The following ZBTB8A variants were observed in gnomAD, a reference collection of about 807,000 sequenced individuals.
The protein encoded by ZBTB8A is zinc finger and BTB domain-containing protein 8A.
ZBTB8A carries 19 observed loss-of-function variants against 37.8 expected under a neutral mutation model. The observed-to-expected ratio is 0.50, with a 90% CI of 0.35 to 0.74. ZBTB8A has a LOEUF of 0.74. ZBTB8A is among the 30% of genes least tolerant of loss of function. ZBTB8A has a pLI of 0.01. For missense variants in ZBTB8A, 394 were observed against 537.8 expected (o/e 0.73, Z 2.65); for synonymous variants, 181 against 185.2 (o/e 0.98, Z 0.19).
intron 1 of ZBTB8A, 144 bp from the exon 2 acceptor site, chr1:32,553,315 C>T (rs1177663822): frequency 6.6e-6 from 1 of 152,230 alleles, no homozygotes; most frequent in African/African-American, 2.4e-5. Flanking sequence ...CCGCGTTGGC[C>T]TCCCAGAGTG....
intron 2 of ZBTB8A, among the ~76,000 whole-genome samples, chr1:32,563,226 G>A (rs960952216): frequency 1.2e-4 from 18 of 152,240 alleles, no homozygotes; most frequent in South Asian, 2.1e-4. Flanking sequence ...TGAGGTTGGG[G>A]GTGGGAAGAC....
intron 2 of ZBTB8A, among the ~76,000 whole-genome samples, chr1:32,577,153 T>A (rs1195391837): frequency 1.3e-5 from 2 of 151,510 alleles, no homozygotes; most frequent in Non-Finnish European, 2.9e-5. Flanking sequence ...GGATTACAGA[T>A]GTGAGCCACC....
Position 32,593,364 on chromosome 1 carries a change from GT to G in ZBTB8A, c.434del (p.Val145GlufsTer22). On this transcript the variant is annotated frameshift_variant, in exon 3 of 5. Transcript: ENST00000373510. LOFTEE classifies it high-confidence loss of function. The stretch of plus-strand genomic sequence containing the variant: ...AGATAAAGATGCCAATTCTAATGGT[GT>G]AGAACGTTCCTCTTTTTATAGTGGT... ...LSDKDANSNG[V>X]ERSSFYSGGW... The G allele has an allele frequency of 6.2e-7, 1 of 1,614,162 alleles. No individual in the cohort carries two copies. The highest frequency in any genetic ancestry group is 8.5e-7 in the Non-Finnish European group (1 of 1,180,032).
intron 4 of ZBTB8A, among the ~76,000 whole-genome samples, chr1:32,595,448 G>A (rs767183789): frequency 3.4e-4 from 51 of 151,674 alleles, no homozygotes; most frequent in Non-Finnish European, 6.5e-4. Flanking sequence ...TGTATTTTTA[G>A]TAGAGATGGG....
At chr1:32,546,455 T>A (rs183313357) in intron 1 of ZBTB8A, among the ~76,000 whole-genome samples, 3,030 of 127,936 alleles carry the variant, frequency 0.024, 47 homozygotes, top group African/African-American at 0.054. Flanking sequence ...AAAAAAAAAA[T>A]AAATAAATAA....
At chr1:32,568,547 C>T (rs987454261) in intron 2 of ZBTB8A, among the ~76,000 whole-genome samples, 4 of 152,104 alleles carry the variant, frequency 2.6e-5, no homozygotes, top group South Asian at 4.2e-4. Flanking sequence ...CCACTACGCC[C>T]GGCTAATTTT....
intron 4 of ZBTB8A, among the ~76,000 whole-genome samples, chr1:32,596,291 A>G (rs1644530956): frequency 6.6e-6 from 1 of 151,446 alleles, no homozygotes. Flanking sequence ...AATGGTGTGA[A>G]CCTGGGAGGC....
At chr1:32,554,333 T>G (rs1398389737) in intron 2 of ZBTB8A, among the ~76,000 whole-genome samples, 1 of 151,830 alleles carries the variant, frequency 6.6e-6, no homozygotes, top group Non-Finnish European at 1.5e-5. Flanking sequence ...GTTCACTGAT[T>G]GCTAATTTTT....
In ZBTB8A at chr1:32,605,704, C is replaced by CAAAAAAAAAAAAAA. The variant is rs555736414; in HGVS notation, c.*5298_*5311dup. 2.7e-4 allele frequency: 5 copies of CAAAAAAAAAAAAAA among 18,412 alleles called. 1 individual carries two copies. The highest frequency in any genetic ancestry group is 8.5e-4 in the African/African-American group (5 of 5,866). The allele number at this position is 18,412 out of a possible 1,614,324, so 1.1% of individuals were successfully genotyped here. A position where few individuals can be genotyped will look rare whatever the true frequency, so the allele number is the denominator to read the frequency against. On this transcript the variant is annotated 3_prime_UTR_variant, in exon 5 of 5. Transcript: ENST00000373510. ...TGGGTGACAGAGCGAGACTCCACCT[C>CAAAAAAAAAAAAAA]AAAAAAAAAAAAAAAAAAAAAAAAA...
At chr1:32,547,459 T>C (rs1644114658) in intron 1 of ZBTB8A, among the ~76,000 whole-genome samples, 1 of 149,758 alleles carries the variant, frequency 6.7e-6, no homozygotes, top group Non-Finnish European at 1.5e-5. Context: ...GCTCAAGGGA[T>C]CTTCCCTCCT....
At chr1:32,586,649 CT>C (rs983524700) in intron 2 of ZBTB8A, among the ~76,000 whole-genome samples, 8 of 151,938 alleles carry the variant, frequency 5.3e-5, no homozygotes, top group African/African-American at 1.7e-4. Flanking sequence ...AGTAGAGAGA[CT>C]GGCAAGTACA....
At chr1:32,568,002 T>C (rs187164714) in intron 2 of ZBTB8A, among the ~76,000 whole-genome samples, 80 of 151,424 alleles carry the variant, frequency 5.3e-4, no homozygotes, top group Middle Eastern at 6.8e-3. Context: ...ATTAGCCAAG[T>C]GTGGTGGCAC....
chr1:32,543,745 C>T (rs554673831), intron 1 of ZBTB8A, among the ~76,000 whole-genome samples: 11 of 152,020 alleles, frequency 7.2e-5, no homozygotes, highest in Non-Finnish European at 1.6e-4. Flanking sequence ...GGCGCGATCT[C>T]GGCTCACTGC....
Position 32,604,339 on chromosome 1 carries a change from A to C in ZBTB8A, c.*3920A>C, listed in dbSNP as rs542216120. 1 of 152,236 alleles carries C rather than the reference A, an allele frequency of 6.6e-6. No homozygotes were observed. Among genetic ancestry groups the C allele is most frequent in the Non-Finnish European group, 1.5e-5 (1 of 68,046 alleles). The allele number at this position is 152,236 out of a possible 1,614,324, so 9.4% of individuals were successfully genotyped here. On this transcript the variant is annotated 3_prime_UTR_variant, in exon 5 of 5. Transcript: ENST00000373510. ...AATTTAAGGGATAAACTCTAAAATC[A>C]GAGCTGCTGTGGTTAAAGTCCCCCA...
chr1:32,543,052 C>T (rs1414826500), intron 1 of ZBTB8A, among the ~76,000 whole-genome samples: 1 of 151,858 alleles, frequency 6.6e-6, no homozygotes, highest in Non-Finnish European at 1.5e-5. Context: ...TGTAACTGAC[C>T]CCAGTGTATA....
chr1:32,560,645 G>A (rs1423191906), intron 2 of ZBTB8A, among the ~76,000 whole-genome samples: 18 of 55,784 alleles, frequency 3.2e-4, no homozygotes, highest in Admixed American at 5.3e-4. Flanking sequence ...TTTTTGAGAT[G>A]TAGTCTCACT....
chr1:32,592,528 A>G (rs894865070), intron 2 of ZBTB8A, among the ~76,000 whole-genome samples: 2 of 151,542 alleles, frequency 1.3e-5, no homozygotes, highest in African/African-American at 4.8e-5. Context: ...GTTTTTTGAG[A>G]TAGAGTCTTG....
intron 2 of ZBTB8A, among the ~76,000 whole-genome samples, chr1:32,590,235 A>G (rs527865804): frequency 6.6e-6 from 1 of 152,122 alleles, no homozygotes; most frequent in East Asian, 1.9e-4. Context: ...CGCCCTGCCC[A>G]TGTTAATTTT....
chr1:32,581,475 C>G (rs1436298535), intron 2 of ZBTB8A, among the ~76,000 whole-genome samples: 2 of 150,254 alleles, frequency 1.3e-5, no homozygotes, highest in African/African-American at 4.9e-5. Flanking sequence ...CCTCAGCCTC[C>G]CAAGTAGCTG....
Sources: gnomAD v4.1 joint callset for allele counts (sites outside exome capture counted in the v4.1 genomes callset) on GRCh38, gnomAD v4.1.1 for gene constraint, MANE v1.5 for transcripts, NCBI Gene and HGNC (gene_info 2026-07-23, HGNC 2026-07-21) for gene names.